NCAM1: variants seen among roughly 807,000 people sequenced by gnomAD.
NCAM1 encodes antigen recognized by monoclonal antibody 5.1H11.
In NCAM1, 14 loss-of-function variants were observed where a neutral mutation model predicts 109.8. The ratio of observed to expected loss-of-function variants is 0.13; its 90% CI spans 0.08 to 0.20. The LOEUF is 0.20. Among genes scored for constraint, NCAM1 ranks in the 10% least tolerant of loss-of-function variants. NCAM1 has a pLI of 1.00. For missense variants in NCAM1, 774 were observed against 1,109.9 expected (o/e 0.70, Z 4.30); for synonymous variants, 418 against 442.9 (o/e 0.94, Z 0.70).
At chr11:113,043,008 C>T (rs999350519) in intron 1 of NCAM1, among the ~76,000 whole-genome samples, 4 of 152,126 alleles carry the variant, frequency 2.6e-5, no homozygotes, top group Admixed American at 2.6e-4. Flanking sequence ...CTTATTTTGC[C>T]ATTTAAAACT....
intron 1 of NCAM1, among the ~76,000 whole-genome samples, chr11:113,031,717 A>AAAGAAT: frequency 6.6e-6 from 1 of 152,182 alleles, no homozygotes; most frequent in South Asian, 2.1e-4. Context: ...AGAAAAAGAA[A>AAAGAAT]AAAGGACACT....
chr11:113,206,306 T>C (rs1555112863), intron 5 of NCAM1, 126 bp downstream of exon 5: 1 of 961,808 alleles, frequency 1.0e-6, no homozygotes, highest in East Asian at 2.9e-5. Context: ...CCGTCTGAGC[T>C]AAATCCCCTC....
At chr11:113,134,533 T>C (rs142999238) in intron 1 of NCAM1, among the ~76,000 whole-genome samples, 124 of 152,284 alleles carry the variant, frequency 8.1e-4, no homozygotes, top group Non-Finnish European at 1.6e-3. Flanking sequence ...TCTTGTATTA[T>C]TAAATTTTCA....
intron 1 of NCAM1, among the ~76,000 whole-genome samples, chr11:113,121,561 C>T (rs1555096063): frequency 1.2e-5 from 1 of 86,418 alleles, no homozygotes; most frequent in Non-Finnish European, 2.7e-5. Flanking sequence ...AAAAAAAAGG[C>T]ACTGTACTCC....
chr11:113,037,202 C>T (rs1259647454), intron 1 of NCAM1, among the ~76,000 whole-genome samples: 1 of 152,074 alleles, frequency 6.6e-6, no homozygotes, highest in African/African-American at 2.4e-5. Context: ...TTATTTAGTC[C>T]TCATTATAAT....
chr11:113,018,372 G>A (rs1952273821), intron 1 of NCAM1, among the ~76,000 whole-genome samples: 1 of 151,532 alleles, frequency 6.6e-6, no homozygotes, highest in African/African-American at 2.4e-5. Context: ...TCTAAAAGGT[G>A]CCTGCGTCTC....
chr11:113,236,221 C>A (rs1024229931), intron 14 of NCAM1: 13 of 1,457,310 alleles, frequency 8.9e-6, no homozygotes, highest in African/African-American at 1.4e-5. Context: ...CTATTCATTT[C>A]TTTTACATCT....
At chr11:113,269,987 AT>A in intron 17 of NCAM1, 200 bp from the exon 18 acceptor site, 1 of 601,820 alleles carries the variant, frequency 1.7e-6, no homozygotes, top group East Asian at 2.8e-5. Flanking sequence ...TGATGTTGTC[AT>A]CCCTCCCTCT....
intron 18 of NCAM1, among the ~76,000 whole-genome samples, 165 bp from the exon 19 acceptor site, chr11:113,271,595 C>T (rs1946276054): frequency 6.6e-6 from 1 of 152,066 alleles, no homozygotes; most frequent in Non-Finnish European, 1.5e-5. Flanking sequence ...AAATCTGAAG[C>T]TCAAGGTCAC....
chr11:113,069,804 AG>A (rs1938174765), intron 1 of NCAM1, among the ~76,000 whole-genome samples: 1 of 152,188 alleles, frequency 6.6e-6, no homozygotes. Flanking sequence ...GGAGGGAGAA[AG>A]GACATCGAGG....
chr11:113,029,702 C>CT (rs1275867310), intron 1 of NCAM1, among the ~76,000 whole-genome samples: 3 of 152,092 alleles, frequency 2.0e-5, no homozygotes, highest in African/African-American at 7.2e-5. Flanking sequence ...TTAAAGCATG[C>CT]TTTTTTTAAA....
At chr11:112,989,396 T>C (rs1951400359) in intron 1 of NCAM1, among the ~76,000 whole-genome samples, 1 of 152,208 alleles carries the variant, frequency 6.6e-6, no homozygotes, top group Non-Finnish European at 1.5e-5. Context: ...AGTCTGTTGT[T>C]GAAGCACTCT....
chr11:113,086,042 A>T (rs1555088234), intron 1 of NCAM1, among the ~76,000 whole-genome samples: 1 of 152,232 alleles, frequency 6.6e-6, no homozygotes, highest in East Asian at 1.9e-4. Context: ...TTGGTAGATG[A>T]TAATAGATGA....
At chr11:113,271,738 A>G in intron 18 of NCAM1, 22 bp from the exon 19 acceptor site, 1 of 1,541,734 alleles carries the variant, frequency 6.5e-7, no homozygotes, top group Non-Finnish European at 8.8e-7. Flanking sequence ...CTAGGGTCTA[A>G]CCAGCAGTAC....
At chr11:113,195,476 C>CAT (rs1555110664) in intron 1 of NCAM1, among the ~76,000 whole-genome samples, 1 of 149,200 alleles carries the variant, frequency 6.7e-6, no homozygotes, top group Admixed American at 6.7e-5. Context: ...CACACACACA[C>CAT]AAACACACCC....
At position 112,990,669 on chromosome 11, in the gene NCAM1, C is replaced by T. The variant is rs781982580; in HGVS notation, c.52+29005C>T. On this transcript the variant is annotated intron_variant, in intron 1 of 19. Transcript: ENST00000316851. ...AGGTCTGTAGGTTTATCATCCATGG[C>T]GCAAGTGGGTGTGATTTTTTCTGGG... Among the ~76,000 whole-genome samples, 28 of 152,074 alleles carry T rather than the reference C, an allele frequency of 1.8e-4. 1 individual carries two copies. Among genetic ancestry groups the T allele is most frequent in the Admixed American group, 4.6e-4 (7 of 15,282 alleles).
At position 113,273,092 on chromosome 11, in the gene NCAM1, G is replaced by A. The variant is rs1236843471; in HGVS notation, c.2456+1216G>A. On this transcript the variant is annotated intron_variant, in intron 19 of 19. Coordinates refer to ENST00000316851, the MANE Select transcript of NCAM1 (RefSeq NM_181351.5). This position sits in a 1 kb window ranked among gnomAD's most constrained non-coding sequence, Gnocchi z 6.0. ...CCTCCAGTATTGCCCCGCCGGCCACGGCCACGCCTGACTCAAACTCTGTAC... is the reference window on the plus strand; with the variant it reads ...CCTCCAGTATTGCCCCGCCGGCCACAGCCACGCCTGACTCAAACTCTGTAC... 2.0e-5 allele frequency: 9 copies of A among 456,208 alleles called. No individual in the cohort carries two copies. Among genetic ancestry groups the A allele is most frequent in the African/African-American group, 6.0e-5 (3 of 49,994 alleles). The allele number at this position is 456,208 out of a possible 1,614,324, so 28.3% of individuals were successfully genotyped here.
At chr11:113,242,694 T>G in intron 14 of NCAM1, 2 of 901,954 alleles carry the variant, frequency 2.2e-6, no homozygotes, top group Non-Finnish European at 3.7e-6. Context: ...TGCCTACATA[T>G]GTATAATATA....
intron 1 of NCAM1, among the ~76,000 whole-genome samples, chr11:113,187,552 T>A (rs1943547684): frequency 7.8e-6 from 1 of 128,290 alleles, no homozygotes; most frequent in South Asian, 3.0e-4. Flanking sequence ...TGTGTGTGTG[T>A]GTGTGTGTTT....
Sources: allele counts gnomAD v4.1 joint callset (sites outside exome capture counted in the v4.1 genomes callset), GRCh38; gene constraint gnomAD v4.1.1; non-coding constraint Gnocchi (gnomAD v3.1); transcripts MANE v1.5; gene names NCBI Gene and HGNC (gene_info 2026-07-23, HGNC 2026-07-21).